KCNIP4: variants seen among roughly 807,000 people sequenced by gnomAD.
KCNIP4 encodes potassium voltage-gated channel interacting protein 4.
KCNIP4 carries 12 observed loss-of-function variants against 34.0 expected under a neutral mutation model. The ratio of observed to expected loss-of-function variants is 0.35; its 90% CI spans 0.23 to 0.57. The LOEUF (loss-of-function observed/expected upper bound fraction) is 0.57. Among genes scored for constraint, KCNIP4 ranks in the 20% least tolerant of loss-of-function variants. The pLI, the probability that KCNIP4 is intolerant of heterozygous loss-of-function variation, is 0.83. For synonymous variants in KCNIP4, 124 were observed against 102.2 expected (o/e 1.21, Z -1.29); for missense variants, 238 against 311.7 (o/e 0.76, Z 1.78).
chr4:20,759,179 T>C (rs546597227), intron 3 of KCNIP4, among the ~76,000 whole-genome samples: 2 of 152,308 alleles, frequency 1.3e-5, no homozygotes, highest in African/African-American at 4.8e-5. Flanking sequence ...TATTATAAAG[T>C]AAAAGGAAAT....
chr4:21,309,134 T>G (rs769394523), intron 1 of KCNIP4, among the ~76,000 whole-genome samples: 1 of 152,200 alleles, frequency 6.6e-6, no homozygotes, highest in Non-Finnish European at 1.5e-5. Context: ...AGTTTGCCCT[T>G]TGATGAACTG....
intron 5 of KCNIP4, among the ~76,000 whole-genome samples, chr4:20,737,792 T>C (rs1415048297): frequency 6.6e-6 from 1 of 152,200 alleles, no homozygotes; most frequent in Non-Finnish European, 1.5e-5. Flanking sequence ...GAATGTAGTT[T>C]AGTTAAAAGG....
At chr4:21,679,863 TA>T (rs1237587783) in intron 1 of KCNIP4, among the ~76,000 whole-genome samples, 1 of 152,216 alleles carries the variant, frequency 6.6e-6, no homozygotes, top group Non-Finnish European at 1.5e-5. Context: ...TAAAATACTC[TA>T]TTGCTAAAAA....
intron 1 of KCNIP4, among the ~76,000 whole-genome samples, chr4:21,900,142 C>A (rs1727626117): frequency 6.6e-6 from 1 of 152,140 alleles, no homozygotes; most frequent in Non-Finnish European, 1.5e-5. Context: ...AGAAAAATCT[C>A]AACATATATT....
intron 1 of KCNIP4, among the ~76,000 whole-genome samples, chr4:21,839,568 A>C (rs1723552941): frequency 6.6e-6 from 1 of 152,154 alleles, no homozygotes; most frequent in Admixed American, 6.5e-5. Context: ...AGCCTGACTA[A>C]CATGGAGAAA....
At position 21,370,102 on chromosome 4, in the gene KCNIP4, C is replaced by G. The variant is rs187808346; in HGVS notation, c.62-487393G>C. Among the ~76,000 whole-genome samples the G allele has an allele frequency of 3.2e-3, 477 of 147,716 alleles. 94 individuals are homozygous for G. The highest frequency in any genetic ancestry group is 0.013 in the African/African-American group (467 of 37,272). On this transcript the variant is annotated intron_variant, in intron 1 of 8. Transcript: ENST00000382152. Reference sequence around the variant, plus strand: ...TCGGCCTCCCGAAGTGCTGGGATTACAGGCTTGAGCCACTGCACCCGGCCA... The same window carrying G: ...TCGGCCTCCCGAAGTGCTGGGATTAGAGGCTTGAGCCACTGCACCCGGCCA...
chr4:21,254,266 T>C (rs1330919749), intron 1 of KCNIP4, among the ~76,000 whole-genome samples: 2 of 152,194 alleles, frequency 1.3e-5, no homozygotes, highest in Non-Finnish European at 2.9e-5. Flanking sequence ...ACCAGTACCA[T>C]TGCAACTGTA....
chr4:20,826,831 T>C (rs1366676866), intron 3 of KCNIP4, among the ~76,000 whole-genome samples: 1 of 152,056 alleles, frequency 6.6e-6, no homozygotes, highest in African/African-American at 2.4e-5. Context: ...GCATCAATAT[T>C]CCCCCTGAGA....
At chr4:20,905,509 C>CTTTCTTTTTTTTTTTTTT (rs71655610) in intron 1 of KCNIP4, among the ~76,000 whole-genome samples, 5 of 72,804 alleles carry the variant, frequency 6.9e-5, no homozygotes, top group African/African-American at 9.2e-5. Flanking sequence ...CGTTTTCTTT[C>CTTTCTTTTTTTTTTTTTT]TTTTTTTTTT....
At chr4:20,876,495 A>G (rs1214498891) in intron 2 of KCNIP4, among the ~76,000 whole-genome samples, 1 of 152,194 alleles carries the variant, frequency 6.6e-6, no homozygotes, top group African/African-American at 2.4e-5. Flanking sequence ...TTAATCCTGT[A>G]AATAGCTACT....
chr4:20,756,931 T>A (rs1754523961), intron 4 of KCNIP4, among the ~76,000 whole-genome samples: 1 of 152,072 alleles, frequency 6.6e-6, no homozygotes, highest in Admixed American at 6.6e-5. Flanking sequence ...AGTAACCTCA[T>A]CTACATCATG....
At chr4:21,310,086 G>A (rs972850689) in intron 1 of KCNIP4, among the ~76,000 whole-genome samples, 1 of 152,154 alleles carries the variant, frequency 6.6e-6, no homozygotes, top group Non-Finnish European at 1.5e-5. Context: ...ATGGAATGCA[G>A]TGGCCCGATC....
At chr4:21,578,440 C>T (rs114001789) in intron 1 of KCNIP4, among the ~76,000 whole-genome samples, 4 of 150,682 alleles carry the variant, frequency 2.7e-5, no homozygotes, top group African/African-American at 4.9e-5. Flanking sequence ...TTTATATGCT[C>T]AGGTAAATAT....
At chr4:20,738,142 A>G (rs905295624) in intron 5 of KCNIP4, among the ~76,000 whole-genome samples, 7 of 152,136 alleles carry the variant, frequency 4.6e-5, no homozygotes, top group Non-Finnish European at 1.5e-5. Flanking sequence ...AAAAAAAAAA[A>G]AAATCCTTAG....
intron 3 of KCNIP4, among the ~76,000 whole-genome samples, chr4:20,827,336 G>A (rs1717883964): frequency 1.3e-5 from 2 of 152,056 alleles, no homozygotes; most frequent in South Asian, 4.1e-4. Context: ...TTTTCACTGA[G>A]GTCTCTCCCC....
chr4:21,937,798 A>G (rs1357512857), intron 1 of KCNIP4, among the ~76,000 whole-genome samples: 1 of 151,968 alleles, frequency 6.6e-6, no homozygotes, highest in Non-Finnish European at 1.5e-5. Flanking sequence ...TGCATGACCA[A>G]TGCCTTGCTC....
intron 1 of KCNIP4, among the ~76,000 whole-genome samples, chr4:21,505,650 T>A (rs543526704): frequency 6.6e-5 from 10 of 152,270 alleles, no homozygotes; most frequent in African/African-American, 1.7e-4. Context: ...AAACCCAACT[T>A]CCCCTGACTT....
At chr4:21,304,962 T>C (rs1179539528) in intron 1 of KCNIP4, among the ~76,000 whole-genome samples, 1 of 111,172 alleles carries the variant, frequency 9.0e-6, no homozygotes, top group Admixed American at 1.0e-4. Context: ...CCAGGAAAAG[T>C]TTGAGAATAA....
intron 1 of KCNIP4, among the ~76,000 whole-genome samples, chr4:21,842,061 T>G (rs1723719549): frequency 6.6e-6 from 1 of 152,190 alleles, no homozygotes; most frequent in Admixed American, 6.6e-5. Context: ...AACCTGTAAG[T>G]GCTGAAAAAG....
Sources: gnomAD v4.1 joint callset for allele counts (sites outside exome capture counted in the v4.1 genomes callset) on GRCh38, gnomAD v4.1.1 for gene constraint, MANE v1.5 for transcripts, NCBI Gene and HGNC (gene_info 2026-07-23, HGNC 2026-07-21) for gene names.